The following AGBL4 variants were observed in gnomAD, a reference collection of about 807,000 sequenced individuals.
AGBL4 encodes the protein AGBL carboxypeptidase 4.
In AGBL4, 58 loss-of-function variants were observed where a neutral mutation model predicts 66.4. That is an observed-to-expected ratio of 0.87 (90% CI 0.71 to 1.09). The LOEUF (loss-of-function observed/expected upper bound fraction) is 1.09. Among genes scored for constraint, AGBL4 ranks in the 50% least tolerant of loss-of-function variants. The pLI is 0.00. For synonymous variants in AGBL4, 234 were observed against 222.9 expected (o/e 1.05, Z -0.44); for missense variants, 579 against 631.0 (o/e 0.92, Z 0.88).
chr1:49,606,655 T>G (rs1046799246), intron 3 of AGBL4, among the ~76,000 whole-genome samples: 5 of 152,084 alleles, frequency 3.3e-5, no homozygotes, highest in African/African-American at 1.2e-4. Flanking sequence ...GCCCAGCAAA[T>G]TAAGCTTTAT....
chr1:49,227,120 A>G lies in AGBL4; in HGVS notation c.377+18650T>C, dbSNP rs1460302821. On this transcript the variant is annotated intron_variant, in intron 4 of 13. Transcript: ENST00000371839. ...AACACATGAATTTTGCAGAGATACA[A>G]ACATTCAGACCATAGAATATTGCTT... Among the ~76,000 whole-genome samples the G allele has an allele frequency of 2.0e-5, 3 of 152,230 alleles. No homozygotes were observed. The East Asian group carries it at 5.8e-4, about 29-fold the overall frequency.
intron 1 of AGBL4, among the ~76,000 whole-genome samples, chr1:49,902,283 A>T (rs953671024): frequency 4.6e-5 from 7 of 152,240 alleles, no homozygotes; most frequent in African/African-American, 1.7e-4. Context: ...TAAACTATGC[A>T]TCTGACAAAA....
At chr1:49,774,244 A>G (rs1198742599) in intron 2 of AGBL4, among the ~76,000 whole-genome samples, 1 of 152,156 alleles carries the variant, frequency 6.6e-6, no homozygotes, top group Non-Finnish European at 1.5e-5. Flanking sequence ...AGTGATAGGG[A>G]CCACTAAAAG....
At chr1:49,856,187 C>T (rs1004157264) in intron 1 of AGBL4, among the ~76,000 whole-genome samples, 1 of 151,692 alleles carries the variant, frequency 6.6e-6, no homozygotes, top group Non-Finnish European at 1.5e-5. Flanking sequence ...AAGACTGAAC[C>T]AGAAATAAAT....
chr1:48,977,456 T>C (rs1659429464), intron 5 of AGBL4, among the ~76,000 whole-genome samples: 1 of 152,150 alleles, frequency 6.6e-6, no homozygotes, highest in Non-Finnish European at 1.5e-5. Flanking sequence ...GTGTTTAACA[T>C]ATGATGCTGT....
intron 3 of AGBL4, among the ~76,000 whole-genome samples, chr1:49,433,654 A>G (rs1645836888): frequency 6.6e-6 from 1 of 152,190 alleles, no homozygotes; most frequent in African/African-American, 2.4e-5. Flanking sequence ...ATGTCACTGG[A>G]AGGATAATTT....
intron 4 of AGBL4, among the ~76,000 whole-genome samples, chr1:49,073,343 T>C (rs1644647927): frequency 6.6e-6 from 1 of 152,194 alleles, no homozygotes; most frequent in African/African-American, 2.4e-5. Context: ...TTTTTGGAAT[T>C]TTCAGTCTTT....
chr1:49,210,729 T>C (rs556025943), intron 4 of AGBL4, among the ~76,000 whole-genome samples: 4 of 152,186 alleles, frequency 2.6e-5, no homozygotes, highest in African/African-American at 9.6e-5. Context: ...CCCCTTCCCT[T>C]ATAAAATATC....
rs1021589974 is a variant in AGBL4 at position 48,539,700 on chromosome 1, C to A, written c.1306G>T (p.Asp436Tyr). Reference protein sequence around the residue: ...LGRNVARTFLDYYRLNPVVEK... With the variant: ...LGRNVARTFLYYYRLNPVVEK... ...ACCACGGGGTTCAGCCGATAATAGT[C>A]CAAAAAGGTTCTTGCCACATTCCGC... The change falls in exon 12 of 14, where the codon GAC becomes TAC. Residue 436 changes from aspartate to tyrosine, a missense_variant. By Grantham distance (160) the Asp-to-Tyr change is radical. Coordinates refer to ENST00000371839, the MANE Select transcript of AGBL4 (RefSeq NM_032785.4). 2 of 1,544,236 alleles carry A rather than the reference C, an allele frequency of 1.3e-6. No homozygotes were observed. The highest frequency in any genetic ancestry group is 1.4e-5 in the African/African-American group (1 of 72,832).
chr1:49,503,019 C>T (rs531163462), intron 3 of AGBL4, among the ~76,000 whole-genome samples: 1 of 152,212 alleles, frequency 6.6e-6, no homozygotes, highest in African/African-American at 2.4e-5. Flanking sequence ...ATGTCACAGA[C>T]CTTCCTGAGG....
rs557073969 is a variant in AGBL4 at position 49,552,725 on chromosome 1, T to G, written c.282+144588A>C. ...TGTGAATCCTCTTGGGATTGCTGGT[T>G]TGTTCTTACAGTCGATTTGGAGCTA... On this transcript the variant is annotated intron_variant, in intron 3 of 13. Transcript: ENST00000371839. Among the ~76,000 whole-genome samples, 5 of 152,290 alleles carry G rather than the reference T, an allele frequency of 3.3e-5. No individual in the cohort carries two copies. In the East Asian group the frequency reaches 9.7e-4, roughly 29 times the overall value.
intron 5 of AGBL4, among the ~76,000 whole-genome samples, chr1:48,927,017 TCCTTTATTA>T (rs1654634935): frequency 6.6e-6 from 1 of 152,092 alleles, no homozygotes; most frequent in Non-Finnish European, 1.5e-5. Context: ...CTGATTTTTT[TCCTTTATTA>T]CCTTTTGCCT....
At chr1:49,152,418 A>G (rs1646353771) in intron 4 of AGBL4, among the ~76,000 whole-genome samples, 1 of 152,188 alleles carries the variant, frequency 6.6e-6, no homozygotes, top group African/African-American at 2.4e-5. Flanking sequence ...AATGATCCCT[A>G]TTCTAAAAAA....
At chr1:49,429,410 TAAA>T (rs1645734689) in intron 3 of AGBL4, among the ~76,000 whole-genome samples, 2 of 152,208 alleles carry the variant, frequency 1.3e-5, no homozygotes, top group Non-Finnish European at 2.9e-5. Flanking sequence ...TAATGCCAGT[TAAA>T]GAATTTTTAA....
chr1:49,523,787 A>T (rs1434084670), intron 3 of AGBL4, among the ~76,000 whole-genome samples: 1 of 152,136 alleles, frequency 6.6e-6, no homozygotes, highest in Non-Finnish European at 1.5e-5. Context: ...TGCAGAAATG[A>T]ATAAGCCATG....
chr1:49,162,361 T>C (rs1387977052), intron 4 of AGBL4, among the ~76,000 whole-genome samples: 3 of 152,190 alleles, frequency 2.0e-5, no homozygotes, highest in Non-Finnish European at 4.4e-5. Flanking sequence ...AAAAGGAACA[T>C]CATATATTTG....
chr1:49,458,027 TGTTTTTGGCTC>T (rs956509149), intron 3 of AGBL4, among the ~76,000 whole-genome samples: 2 of 151,448 alleles, frequency 1.3e-5, no homozygotes, highest in Non-Finnish European at 1.5e-5. Context: ...TGCTTAGTCT[TGTTTTTGGCTC>T]GTTTTTGGCT....
chr1:49,190,117 A>G (rs1647088282), intron 4 of AGBL4, among the ~76,000 whole-genome samples: 2 of 152,218 alleles, frequency 1.3e-5, no homozygotes, highest in Non-Finnish European at 2.9e-5. Context: ...AAGGGTTTTC[A>G]GAGGCAAATG....
At chr1:49,288,102 A>G (rs912254906) in intron 3 of AGBL4, among the ~76,000 whole-genome samples, 2 of 142,896 alleles carry the variant, frequency 1.4e-5, no homozygotes, top group Non-Finnish European at 3.0e-5. Flanking sequence ...TTCTCAGTAA[A>G]CTATCGCAAG....
Sources: gnomAD v4.1 joint callset for allele counts (sites outside exome capture counted in the v4.1 genomes callset) on GRCh38, gnomAD v4.1.1 for gene constraint, MANE v1.5 for transcripts, NCBI Gene and HGNC (gene_info 2026-07-23, HGNC 2026-07-21) for gene names.